Variants in PCDH9 observed in about 807,000 individuals in gnomAD.
The protein encoded by PCDH9 is protocadherin-9.
In PCDH9, 24 loss-of-function variants were observed where a neutral mutation model predicts 70.6. The observed-to-expected ratio is 0.34, with a 90% CI of 0.25 to 0.48. The LOEUF is 0.48. Among genes scored for constraint, PCDH9 ranks in the 20% least tolerant of loss-of-function variants. The pLI, the probability that PCDH9 is intolerant of heterozygous loss-of-function variation, is 0.99. For missense variants in PCDH9, 1,281 were observed against 1,503.6 expected (o/e 0.85, Z 2.45); for synonymous variants, 562 against 558.5 (o/e 1.01, Z -0.09).
chr13:66,565,062 A>C (rs2076633997), intron 4 of PCDH9, among the ~76,000 whole-genome samples: 1 of 152,066 alleles, frequency 6.6e-6, no homozygotes, highest in South Asian at 2.1e-4. Flanking sequence ...GTTTCAGGAC[A>C]ATAATTGTAC....
intron 4 of PCDH9, among the ~76,000 whole-genome samples, chr13:66,620,517 A>T (rs2077409299): frequency 6.6e-6 from 1 of 152,208 alleles, no homozygotes; most frequent in African/African-American, 2.4e-5. Flanking sequence ...CTTCAGTAAG[A>T]TCTATTCATC....
intron 3 of PCDH9, among the ~76,000 whole-genome samples, chr13:66,902,462 G>A (rs2082291346): frequency 6.6e-6 from 1 of 151,310 alleles, no homozygotes; most frequent in African/African-American, 2.4e-5. Context: ...TCCTTTAGAT[G>A]GCAAAAGCAA....
At chr13:66,306,713 C>G (rs1305325408) in intron 4 of PCDH9, among the ~76,000 whole-genome samples, 1 of 151,820 alleles carries the variant, frequency 6.6e-6, no homozygotes, top group Non-Finnish European at 1.5e-5. Context: ...CAAGAGCAAA[C>G]AGTTTTATTT....
chr13:67,202,979 T>A (rs924267451), intron 2 of PCDH9: 1 of 152,090 alleles, frequency 6.6e-6, no homozygotes, highest in African/African-American at 2.4e-5. Flanking sequence ...CCCTGCGAAA[T>A]GAACAGGAGT....
At chr13:67,174,343 A>ATACG (rs1206968090) in intron 2 of PCDH9, among the ~76,000 whole-genome samples, 5 of 152,054 alleles carry the variant, frequency 3.3e-5, no homozygotes, top group Non-Finnish European at 5.9e-5. Context: ...ACATACATAC[A>ATACG]TACAGACGAA....
At chr13:66,577,286 G>T (rs2138766166) in intron 4 of PCDH9, among the ~76,000 whole-genome samples, 1 of 151,886 alleles carries the variant, frequency 6.6e-6, no homozygotes, top group Admixed American at 6.6e-5. Context: ...TTCCAGAATT[G>T]ATTCATTTTA....
At chr13:67,013,361 C>A (rs1238179692) in intron 2 of PCDH9, among the ~76,000 whole-genome samples, 11 of 151,028 alleles carry the variant, frequency 7.3e-5, no homozygotes, top group Non-Finnish European at 1.2e-4. Context: ...TTTTTGTTAA[C>A]TTTATGACAT....
At chr13:66,450,259 T>G (rs1958178366) in intron 4 of PCDH9, among the ~76,000 whole-genome samples, 1 of 152,208 alleles carries the variant, frequency 6.6e-6, no homozygotes, top group South Asian at 2.1e-4. Context: ...ATATTTAATT[T>G]AATAGCATAT....
At chr13:66,695,428 C>T (rs1471643255) in intron 3 of PCDH9, among the ~76,000 whole-genome samples, 1 of 152,180 alleles carries the variant, frequency 6.6e-6, no homozygotes, top group East Asian at 1.9e-4. Context: ...TTATGACCTA[C>T]ATGATGTGAC....
At chr13:66,554,327 T>C (rs1416534383) in intron 4 of PCDH9, among the ~76,000 whole-genome samples, 2 of 152,154 alleles carry the variant, frequency 1.3e-5, no homozygotes, top group Non-Finnish European at 2.9e-5. Context: ...TTTGCAACTT[T>C]AAAGTAGGAA....
At chr13:66,947,751 A>C (rs1048817678) in intron 2 of PCDH9, among the ~76,000 whole-genome samples, 1 of 152,134 alleles carries the variant, frequency 6.6e-6, no homozygotes, top group African/African-American at 2.4e-5. Context: ...GGATATGTTA[A>C]GGGAAACAAT....
intron 4 of PCDH9, among the ~76,000 whole-genome samples, chr13:66,547,041 T>A (rs1961239566): frequency 6.6e-6 from 1 of 152,202 alleles, no homozygotes; most frequent in African/African-American, 2.4e-5. Context: ...GACACATTTT[T>A]TAGAATGTAT....
chr13:66,613,175 G>A (rs2077313808), intron 4 of PCDH9, among the ~76,000 whole-genome samples: 1 of 152,108 alleles, frequency 6.6e-6, no homozygotes, highest in African/African-American at 2.4e-5. Flanking sequence ...GCCAGGCCTG[G>A]GATGCTTGGT....
At chr13:67,109,205 C>T (rs1243004652) in intron 2 of PCDH9, among the ~76,000 whole-genome samples, 1 of 152,092 alleles carries the variant, frequency 6.6e-6, no homozygotes, top group Non-Finnish European at 1.5e-5. Flanking sequence ...CTTGTTGAAA[C>T]TGGGTTCTCC....
chr13:66,587,098 C>T lies in PCDH9; in HGVS notation c.3340+44112G>A, dbSNP rs188904756. 1.4e-4 allele frequency among the ~76,000 whole-genome samples: 22 copies of T among 152,110 alleles called. No homozygotes were observed. In the East Asian group the frequency reaches 3.3e-3, roughly 23 times the overall value. On this transcript the variant is annotated intron_variant, in intron 4 of 4. Transcript: ENST00000377865. ...ATCACTTGAGCCCATGAGTTCCAGA[C>T]GAGCCTGGGCAACATAGTGAGACCT...
intron 3 of PCDH9, among the ~76,000 whole-genome samples, chr13:66,854,934 TC>T (rs915415651): frequency 5.3e-5 from 8 of 152,046 alleles, no homozygotes; most frequent in African/African-American, 1.9e-4. Context: ...AATCTTTATC[TC>T]CCCTAGGAGC....
chr13:67,051,021 C>A (rs1182006122), intron 2 of PCDH9, among the ~76,000 whole-genome samples: 1 of 152,102 alleles, frequency 6.6e-6, no homozygotes, highest in African/African-American at 2.4e-5. Flanking sequence ...AAATCTTATT[C>A]TTTCACTTGG....
At chr13:66,847,580 T>C (rs960097880) in intron 3 of PCDH9, among the ~76,000 whole-genome samples, 1 of 137,976 alleles carries the variant, frequency 7.2e-6, no homozygotes, top group Non-Finnish European at 1.5e-5. Flanking sequence ...CAGCATACTA[T>C]TTTTTTCCTT....
chr13:66,536,219 G>A (rs769161995), intron 4 of PCDH9, among the ~76,000 whole-genome samples: 1 of 152,076 alleles, frequency 6.6e-6, no homozygotes, highest in African/African-American at 2.4e-5. Context: ...TTTATAAGGC[G>A]AGTTATTTAA....
Sources: allele counts gnomAD v4.1 joint callset (sites outside exome capture counted in the v4.1 genomes callset), GRCh38; gene constraint gnomAD v4.1.1; transcripts MANE v1.5; gene names NCBI Gene and HGNC (gene_info 2026-07-23, HGNC 2026-07-21).